Variants in DSCAM observed in about 807,000 individuals in gnomAD.
DSCAM encodes DS cell adhesion molecule.
A neutral mutation model predicts 217.7 loss-of-function variants in DSCAM; 47 were observed. The ratio of observed to expected loss-of-function variants is 0.22; its 90% CI spans 0.17 to 0.28. The LOEUF is 0.28. Ranked by LOEUF, DSCAM falls within the 10% of genes least tolerant of loss-of-function variation. The pLI is 1.00. For missense variants in DSCAM, 2,080 were observed against 2,618.3 expected (o/e 0.79, Z 4.49); for synonymous variants, 1,056 against 1,015.3 (o/e 1.04, Z -0.76).
At chr21:40,813,179 C>T (rs921977553) in intron 1 of DSCAM, among the ~76,000 whole-genome samples, 10 of 152,136 alleles carry the variant, frequency 6.6e-5, no homozygotes, top group Non-Finnish European at 7.4e-5. Context: ...TGATTGATAA[C>T]GGCACAAATG....
intron 3 of DSCAM, among the ~76,000 whole-genome samples, chr21:40,559,003 G>A (rs1160883386): frequency 2.0e-5 from 3 of 152,272 alleles, no homozygotes; most frequent in African/African-American, 7.2e-5. Flanking sequence ...AATGTCTGTG[G>A]CACTCCAGAA....
In DSCAM at chr21:40,676,947, G is replaced by A. The variant is rs763551902; in HGVS notation, c.508+15863C>T. Among the ~76,000 whole-genome samples, 94 of 152,184 alleles carry A rather than the reference G, an allele frequency of 6.2e-4. 1 individual carries two copies. Among genetic ancestry groups the A allele is most frequent in the Middle Eastern group, 6.8e-3 (2 of 294 alleles). On this transcript the variant is annotated intron_variant, in intron 3 of 32. Transcript: ENST00000400454. ...GAGGGATTCAGCCTGGCTGCGTTCC[G>A]TTTTGGGAAATGGCCCTCCTCAATT...
In DSCAM at chr21:40,606,116, T is replaced by C. The variant is rs1181388990; in HGVS notation, c.508+86694A>G. Among the ~76,000 whole-genome samples the C allele has an allele frequency of 6.6e-5, 10 of 152,332 alleles. No homozygotes were observed. The East Asian group carries it at 1.9e-3, about 29-fold the overall frequency. On this transcript the variant is annotated intron_variant, in intron 3 of 32. Transcript: ENST00000400454. ...GTGCCCAGCCAATGCACATTCTTAT[T>C]TCCATAAAAATGTTATATTTCATTT...
intron 20 of DSCAM, among the ~76,000 whole-genome samples, chr21:40,120,887 GA>G (rs148940214): frequency 0.13 from 19,721 of 152,080 alleles, 1,482 homozygotes; most frequent in African/African-American, 0.2. Context: ...TCACATATTA[GA>G]GAAAAAAGCT....
At chr21:40,176,613 C>A (rs2090734962) in intron 15 of DSCAM, among the ~76,000 whole-genome samples, 1 of 152,014 alleles carries the variant, frequency 6.6e-6, no homozygotes, top group South Asian at 2.1e-4. Context: ...GTCATGCAAA[C>A]CTATGAACCA....
At chr21:40,621,948 A>G (rs1048023404) in intron 3 of DSCAM, among the ~76,000 whole-genome samples, 7 of 146,922 alleles carry the variant, frequency 4.8e-5, no homozygotes, top group Non-Finnish European at 9.1e-5. Flanking sequence ...AAGAAAAAAG[A>G]AAGGAAGGAA....
chr21:40,750,950 C>T (rs2091221302), intron 1 of DSCAM, among the ~76,000 whole-genome samples: 1 of 152,322 alleles, frequency 6.6e-6, no homozygotes, highest in East Asian at 1.9e-4. Context: ...CCCCATGCCC[C>T]TTCAGCTCTA....
At chr21:40,307,251 C>T (rs187887575) in intron 9 of DSCAM, among the ~76,000 whole-genome samples, 123 of 150,748 alleles carry the variant, frequency 8.2e-4, no homozygotes, top group Admixed American at 4.5e-3. Flanking sequence ...AAAAAAACAA[C>T]CCCATCAAAA....
chr21:40,395,220 TA>T (rs1040368794), intron 3 of DSCAM, among the ~76,000 whole-genome samples: 6 of 152,180 alleles, frequency 3.9e-5, no homozygotes, highest in East Asian at 1.9e-4. Flanking sequence ...AAGAGACTAT[TA>T]GGGGGCATTC....
intron 1 of DSCAM, among the ~76,000 whole-genome samples, chr21:40,785,500 T>C (rs2091584612): frequency 1.3e-5 from 2 of 152,184 alleles, no homozygotes; most frequent in Non-Finnish European, 1.5e-5. Flanking sequence ...GTACAGACTT[T>C]TAACAAAAAA....
chr21:40,159,285 A>C (rs936339772), intron 16 of DSCAM, among the ~76,000 whole-genome samples: 3 of 152,176 alleles, frequency 2.0e-5, no homozygotes, highest in Admixed American at 6.5e-5. Context: ...CTGTTTACTA[A>C]CTTATGTATC....
intron 32 of DSCAM, among the ~76,000 whole-genome samples, chr21:40,032,732 C>G (rs2088551281): frequency 6.6e-6 from 1 of 152,046 alleles, no homozygotes; most frequent in Non-Finnish European, 1.5e-5. Flanking sequence ...CAAGTCTGGT[C>G]TCTGTGTTTT....
chr21:40,604,145 AT>A (rs2077084273), intron 3 of DSCAM, among the ~76,000 whole-genome samples: 1 of 150,490 alleles, frequency 6.6e-6, no homozygotes, highest in African/African-American at 2.4e-5. Flanking sequence ...TTCTCTTTGC[AT>A]TTTGGTTTAA....
In DSCAM at chr21:40,298,961, C is replaced by T. The variant is rs184099428; in HGVS notation, c.2063-2787G>A. 1.2e-4 allele frequency among the ~76,000 whole-genome samples: 18 copies of T among 152,058 alleles called. 1 individual carries two copies. The South Asian group carries it at 2.7e-3, about 23-fold the overall frequency. On this transcript the variant is annotated intron_variant, in intron 9 of 32. Transcript: ENST00000400454. ...AGTATAAGGTAGTTACAGATAAAAA[C>T]GGTCCCTAAATTAGTAGAATAATTA...
At position 40,296,104 on chromosome 21, in the gene DSCAM, A is replaced by G. The variant is rs770497611; in HGVS notation, c.2133T>C (p.Cys711=). The G allele has an allele frequency of 1.2e-6, 2 of 1,614,088 alleles. No individual in the cohort carries two copies. The highest frequency in any genetic ancestry group is 1.1e-5 in the South Asian group (1 of 91,086). ...GIYGKAVILN[C]SAEGYPVPTI... ...TAGGTACAGGGTAACCCTCAGCAGAACAATTGAGGATGACTGCTTTGCCAT... is the reference window on the plus strand; with the variant it reads ...TAGGTACAGGGTAACCCTCAGCAGAGCAATTGAGGATGACTGCTTTGCCAT... Residue 711 remains cysteine (C), a synonymous_variant, in exon 10 of 33, where the codon TGT becomes TGC. Transcript: ENST00000400454.
chr21:40,441,307 T>C (rs2075628196), intron 3 of DSCAM, among the ~76,000 whole-genome samples: 1 of 152,146 alleles, frequency 6.6e-6, no homozygotes, highest in Non-Finnish European at 1.5e-5. Flanking sequence ...TGTAGTCTTC[T>C]TGTAAGTCTT....
At chr21:40,558,829 T>C (rs1358251767) in intron 3 of DSCAM, among the ~76,000 whole-genome samples, 1 of 152,230 alleles carries the variant, frequency 6.6e-6, no homozygotes, top group East Asian at 1.9e-4. Context: ...TTTTAAAAGC[T>C]TGATTATTCT....
chr21:40,448,227 T>G (rs996342834), intron 3 of DSCAM, among the ~76,000 whole-genome samples: 3 of 152,176 alleles, frequency 2.0e-5, no homozygotes, highest in African/African-American at 7.2e-5. Context: ...ATCAGTAGGC[T>G]GAGTAAACAA....
rs76334422 is a variant in DSCAM, at chr21:40,772,049, C to T, written c.44-63278G>A. On this transcript the variant is annotated intron_variant, in intron 1 of 32. Coordinates refer to ENST00000400454, the MANE Select transcript of DSCAM (RefSeq NM_001389.5). Reference sequence around the variant, plus strand: ...GCTGATAACTTCAAAGTCAGGTGGACGGGAATTGACACAGAATTTTCATAA... The same window carrying T: ...GCTGATAACTTCAAAGTCAGGTGGATGGGAATTGACACAGAATTTTCATAA... Among the ~76,000 whole-genome samples the T allele has an allele frequency of 1.5e-3, 229 of 151,994 alleles. 3 individuals are homozygous for T. Among genetic ancestry groups the T allele is most frequent in the African/African-American group, 5.3e-3 (219 of 41,544 alleles).
Sources: allele counts gnomAD v4.1 joint callset (sites outside exome capture counted in the v4.1 genomes callset), GRCh38; gene constraint gnomAD v4.1.1; transcripts MANE v1.5; gene names NCBI Gene and HGNC (gene_info 2026-07-23, HGNC 2026-07-21).